NKAIN2: variants seen among roughly 807,000 people sequenced by gnomAD.
NKAIN2 encodes the protein sodium/potassium-transporting ATPase subunit beta-1-interacting protein 2.
In NKAIN2, 14 loss-of-function variants were observed where a neutral mutation model predicts 32.6. That is an observed-to-expected ratio of 0.43 (90% confidence interval 0.28 to 0.67). The LOEUF is 0.67. Ranked by LOEUF, NKAIN2 falls within the 30% of genes least tolerant of loss-of-function variation. The pLI is 0.17. For missense variants in NKAIN2, 198 were observed against 258.3 expected (o/e 0.77, Z 1.60); for synonymous variants, 80 against 87.2 (o/e 0.92, Z 0.46).
At chr6:124,027,696 C>G (rs1459386595) in intron 1 of NKAIN2, among the ~76,000 whole-genome samples, 2 of 149,758 alleles carry the variant, frequency 1.3e-5, no homozygotes, top group African/African-American at 5.0e-5. Flanking sequence ...TTCACCTCAA[C>G]TGAATCAACT....
Position 124,516,379 on chromosome 6 carries a change from TTG to T in NKAIN2, c.274-141803_274-141802del, listed in dbSNP as rs535257102. Among the ~76,000 whole-genome samples, 242 of 152,262 alleles carry T rather than the reference TTG, an allele frequency of 1.6e-3. 1 individual carries two copies. The highest frequency in any genetic ancestry group is 5.6e-3 in the African/African-American group (231 of 41,552). ...TAGACAATAACATTTTTAAAAGATT[TTG>T]TGTTATTTTTTTTCAGTTAAAAGAA... On this transcript the variant is annotated intron_variant, in intron 3 of 6. Coordinates refer to ENST00000368417, the MANE Select transcript of NKAIN2 (RefSeq NM_001040214.3).
intron 2 of NKAIN2, among the ~76,000 whole-genome samples, chr6:124,291,575 T>G (rs2753150): frequency 0.27 from 40,636 of 151,788 alleles, 6,905 homozygotes; most frequent in African/African-American, 0.48. Flanking sequence ...GCAATTGTCT[T>G]GAAACCCCTC....
intron 3 of NKAIN2, among the ~76,000 whole-genome samples, chr6:124,567,264 C>T (rs138755247): frequency 4.6e-5 from 7 of 152,284 alleles, no homozygotes; most frequent in Non-Finnish European, 8.8e-5. Context: ...GCACACAGGA[C>T]GCATGACTAT....
At chr6:124,543,467 G>GT (rs1269894918) in intron 3 of NKAIN2, among the ~76,000 whole-genome samples, 1 of 152,086 alleles carries the variant, frequency 6.6e-6, no homozygotes, top group Non-Finnish European at 1.5e-5. Flanking sequence ...AAAACACACT[G>GT]TATCAATCTA....
intron 4 of NKAIN2, among the ~76,000 whole-genome samples, chr6:124,778,017 G>T (rs1011337291): frequency 1.3e-5 from 2 of 151,558 alleles, no homozygotes; most frequent in African/African-American, 4.8e-5. Flanking sequence ...CAGTAATGAG[G>T]TTTTAACAAT....
At chr6:124,476,059 A>AGTGT (rs1402961327) in intron 3 of NKAIN2, among the ~76,000 whole-genome samples, 1 of 86,062 alleles carries the variant, frequency 1.2e-5, no homozygotes, top group African/African-American at 5.2e-5. Context: ...AGAGAGAGAG[A>AGTGT]GAGAGAGTGT....
chr6:124,583,885 A>G (rs758018667), intron 3 of NKAIN2, among the ~76,000 whole-genome samples: 3 of 152,226 alleles, frequency 2.0e-5, no homozygotes, highest in Non-Finnish European at 2.9e-5. Context: ...AAGAACATAC[A>G]TTGAAGAAAG....
intron 1 of NKAIN2, among the ~76,000 whole-genome samples, chr6:124,176,285 G>A (rs763976061): frequency 2.0e-4 from 30 of 152,050 alleles, no homozygotes; most frequent in Non-Finnish European, 4.0e-4. Context: ...CCTTCGATTT[G>A]TAAAAAAATG....
chr6:124,228,313 A>G (rs927636164), intron 1 of NKAIN2, among the ~76,000 whole-genome samples: 2 of 152,204 alleles, frequency 1.3e-5, no homozygotes, highest in Non-Finnish European at 2.9e-5. Context: ...ATTTTTTGCC[A>G]TATGAGTATA....
At chr6:124,789,979 C>T (rs1417105061) in intron 4 of NKAIN2, among the ~76,000 whole-genome samples, 1 of 151,986 alleles carries the variant, frequency 6.6e-6, no homozygotes, top group Non-Finnish European at 1.5e-5. Flanking sequence ...CCCTCTCCTC[C>T]AGGATCTAAA....
intron 3 of NKAIN2, among the ~76,000 whole-genome samples, chr6:124,496,555 G>A (rs1778071092): frequency 6.6e-6 from 1 of 152,084 alleles, no homozygotes. Flanking sequence ...CAAAACATGT[G>A]ATGAGTTCTA....
chr6:124,006,031 A>T (rs978264795), intron 1 of NKAIN2, among the ~76,000 whole-genome samples: 2 of 152,200 alleles, frequency 1.3e-5, no homozygotes, highest in Non-Finnish European at 2.9e-5. Flanking sequence ...GTTAATCTGT[A>T]CAAAATGCTG....
chr6:123,804,000 C>T lies in NKAIN2; in HGVS notation c.-201C>T, dbSNP rs1384502161. Reference sequence around the variant, plus strand: ...GTGAAGGTATGTGTGGCGGGCGCGGCTGGAGCTGCCGCCGCCGCCGCCGCC... The same window carrying T: ...GTGAAGGTATGTGTGGCGGGCGCGGTTGGAGCTGCCGCCGCCGCCGCCGCC... On this transcript the variant is annotated 5_prime_UTR_variant, in exon 1 of 7. Coordinates refer to ENST00000368417, the MANE Select transcript of NKAIN2 (RefSeq NM_001040214.3). 2.5e-5 allele frequency: 15 copies of T among 592,426 alleles called. No homozygotes were observed. Among genetic ancestry groups the T allele is most frequent in the South Asian group, 2.5e-4 (13 of 51,530 alleles). 36.7% of individuals were successfully genotyped at this position (592,426 alleles called of 1,614,324 possible).
At chr6:123,942,586 T>G (rs150926351) in intron 1 of NKAIN2, among the ~76,000 whole-genome samples, 287 of 152,140 alleles carry the variant, frequency 1.9e-3, no homozygotes, top group Middle Eastern at 6.8e-3. Context: ...CATGAATGCC[T>G]TATTTACCTT....
intron 3 of NKAIN2, among the ~76,000 whole-genome samples, chr6:124,424,722 G>A (rs1038990227): frequency 3.9e-5 from 6 of 151,932 alleles, no homozygotes; most frequent in Non-Finnish European, 8.8e-5. Context: ...CCCCCCACCA[G>A]GTTTATCCGT....
chr6:124,251,508 C>T (rs962250884), intron 1 of NKAIN2, among the ~76,000 whole-genome samples: 1 of 151,762 alleles, frequency 6.6e-6, no homozygotes, highest in African/African-American at 2.4e-5. Context: ...AAGGAAAATA[C>T]TAGCACTCAG....
At chr6:124,437,773 T>A (rs1211717280) in intron 3 of NKAIN2, 1 of 346,492 alleles carries the variant, frequency 2.9e-6, no homozygotes, top group Non-Finnish European at 5.5e-6. Context: ...AGTAGTCTAG[T>A]GGGATGATGC....
At chr6:124,729,059 A>T (rs1293500162) in intron 4 of NKAIN2, among the ~76,000 whole-genome samples, 3 of 152,000 alleles carry the variant, frequency 2.0e-5, no homozygotes. Context: ...AATTGTGGCA[A>T]TAATCAATAG....
intron 2 of NKAIN2, among the ~76,000 whole-genome samples, chr6:124,298,212 A>C (rs1385857983): frequency 6.6e-6 from 1 of 152,158 alleles, no homozygotes; most frequent in Non-Finnish European, 1.5e-5. Context: ...ATAGGGTTTC[A>C]ATACTCTTTT....
Sources: gnomAD v4.1 joint callset for allele counts (sites outside exome capture counted in the v4.1 genomes callset) on GRCh38, gnomAD v4.1.1 for gene constraint, MANE v1.5 for transcripts, NCBI Gene and HGNC (gene_info 2026-07-23, HGNC 2026-07-21) for gene names.